Variants in FOXN4 observed in about 807,000 individuals in gnomAD.
The protein encoded by FOXN4 is forkhead box protein N4.
A neutral mutation model predicts 45.0 loss-of-function variants in FOXN4; 12 were observed. The observed-to-expected ratio is 0.27, with a 90% confidence interval of 0.17 to 0.43. The LOEUF is 0.43. Among genes scored for constraint, FOXN4 ranks in the 20% least tolerant of loss-of-function variants. The pLI, the probability that FOXN4 is intolerant of heterozygous loss-of-function variation, is 1.00. For synonymous variants in FOXN4, 297 were observed against 295.0 expected, an observed-to-expected ratio of 1.01 and a Z score of -0.07; for missense variants, 560 against 694.9, an observed-to-expected ratio of 0.81 and a Z score of 2.18.
rs1035850236 is a variant in FOXN4 at position 109,278,570 on chromosome 12, C to T, written c.*1101G>A. On this transcript the variant is annotated 3_prime_UTR_variant, in exon 10 of 10. Coordinates refer to ENST00000299162, the MANE Select transcript of FOXN4 (RefSeq NM_213596.3). ...TCATGCGTTGAAGTTTTGTCCACCA[C>T]TTGCCACGTGGTTCGAGCTTTACGT... is the stretch of plus-strand genomic sequence containing the variant. 1.3e-5 allele frequency: 2 copies of T among 152,200 alleles called. No individual in the cohort carries two copies. Among genetic ancestry groups the T allele is most frequent in the African/African-American group, 2.4e-5 (1 of 41,438 alleles). The allele number at this position is 152,200 out of a possible 1,614,324, so 9.4% of individuals were successfully genotyped here. A position where few individuals can be genotyped will look rare whatever the true frequency, so the allele number is the denominator to read the frequency against.
chr12:109,301,664 C>A (rs190111455), intron 2 of FOXN4, among the ~76,000 whole-genome samples: 8 of 152,268 alleles, frequency 5.3e-5, no homozygotes, highest in Non-Finnish European at 1.2e-4. Context: ...AAGAGGCCCT[C>A]CCAGGCCCTC....
In FOXN4 at chr12:109,279,639, G is replaced by C; in HGVS notation, c.*32C>G. The stretch of plus-strand genomic sequence containing the variant: ...AGTCAGTTCTCTGCCCAAGCCGGGT[G>C]CCGGGGTTCCAGGGCAGGTGAGGCT... On this transcript the variant is annotated 3_prime_UTR_variant, in exon 10 of 10. Coordinates refer to ENST00000299162, the MANE Select transcript of FOXN4 (RefSeq NM_213596.3). 6.4e-7 allele frequency: 1 copy of C among 1,561,032 alleles called. No individual in the cohort carries two copies. Among genetic ancestry groups the C allele is most frequent in the Non-Finnish European group, 8.7e-7 (1 of 1,152,504 alleles).
Position 109,291,481 on chromosome 12 carries a change from C to G in FOXN4, c.87-1195G>C, listed in dbSNP as rs1018219124. On this transcript the variant is annotated intron_variant, in intron 2 of 9. Transcript: ENST00000299162. This position sits in a 1 kb window ranked among gnomAD's most constrained non-coding sequence, Gnocchi z 6.6. The stretch of plus-strand genomic sequence containing the variant: ...GAGGCGGGACACCGACCCATCCTGC[C>G]CTGGTTTTCTGCGCCTCTCGGAGGC... 6.6e-6 allele frequency among the ~76,000 whole-genome samples: 1 copy of G among 152,058 alleles called. No homozygotes were observed. Among genetic ancestry groups the G allele is most frequent in the Non-Finnish European group, 1.5e-5 (1 of 67,986 alleles).
rs2047734615 is a variant in FOXN4, at chr12:109,288,247, A to G, written c.233-67T>C. On this transcript the variant is annotated intron_variant, in intron 3 of 9. Transcript: ENST00000299162. The surrounding 1 kb of genome is among the most constrained non-coding windows in gnomAD (Gnocchi z 4.3). ...TGGTGGCTGCCACCAGGAACAGCCC[A>G]GTGCCCAGGTGTCTCCGGAGAACGG... The G allele has an allele frequency of 4.6e-6, 7 of 1,516,886 alleles. No homozygotes were observed. Among genetic ancestry groups the G allele is most frequent in the Non-Finnish European group, 6.1e-6 (7 of 1,138,700 alleles). The allele number at this position is 1,516,886 out of a possible 1,614,324, so 94.0% of individuals were successfully genotyped here.
intron 2 of FOXN4, among the ~76,000 whole-genome samples, chr12:109,297,951 C>T (rs1213293213): frequency 6.6e-6 from 1 of 152,076 alleles, no homozygotes; most frequent in Non-Finnish European, 1.5e-5. Context: ...GAAATATCTC[C>T]ATCAGTGGAG....
chr12:109,303,193 C>A (rs1402072254), intron 2 of FOXN4, among the ~76,000 whole-genome samples: 1 of 152,126 alleles, frequency 6.6e-6, no homozygotes, highest in Admixed American at 6.5e-5. Flanking sequence ...CACAGAGAGG[C>A]TACCTCTCTT....
chr12:109,308,438 ACTTT>A lies in FOXN4; in HGVS notation c.-3-118_-3-115del, dbSNP rs547180510. ...ATGGAGCACAATCAACTCACAGAAC[ACTTT>A]TTTTTTCTTTAAAGAAAAAAGTTCT... On this transcript the variant is annotated intron_variant, in intron 1 of 9. Coordinates refer to ENST00000299162, the MANE Select transcript of FOXN4 (RefSeq NM_213596.3). 137 of 651,420 alleles carry A rather than the reference ACTTT, an allele frequency of 2.1e-4. 1 individual carries two copies. The highest frequency in any genetic ancestry group is 2.4e-4 in the Non-Finnish European group (98 of 405,338). The allele number at this position is 651,420 out of a possible 1,614,324, so 40.4% of individuals were successfully genotyped here.
At chr12:109,304,221 G>GGAA (rs1555244326) in intron 2 of FOXN4, among the ~76,000 whole-genome samples, 2 of 82,480 alleles carry the variant, frequency 2.4e-5, no homozygotes, top group Non-Finnish European at 4.6e-5. Context: ...AGAAAAGAAA[G>GGAA]AGAAAGAAAG....
In FOXN4 at chr12:109,290,792, G is replaced by A. The variant is rs2047760116; in HGVS notation, c.87-506C>T. 6.6e-6 allele frequency among the ~76,000 whole-genome samples: 1 copy of A among 152,210 alleles called. No homozygotes were observed. The highest frequency in any genetic ancestry group is 1.5e-5 in the Non-Finnish European group (1 of 68,030). Reference sequence around the variant, plus strand: ...CAGGGCAGTTTCCTGCTGTACTGTAGCTGTGAGGAACATGGAACTTGGGAA... The same window carrying A: ...CAGGGCAGTTTCCTGCTGTACTGTAACTGTGAGGAACATGGAACTTGGGAA... On this transcript the variant is annotated intron_variant, in intron 2 of 9. Coordinates refer to ENST00000299162, the MANE Select transcript of FOXN4 (RefSeq NM_213596.3). The surrounding 1 kb of genome is among the most constrained non-coding windows in gnomAD (Gnocchi z 5.1).
At chr12:109,284,366 A>T (rs557497785) in intron 8 of FOXN4, among the ~76,000 whole-genome samples, 7 of 152,306 alleles carry the variant, frequency 4.6e-5, no homozygotes, top group Middle Eastern at 3.4e-3. Flanking sequence ...CCTGGCTGAG[A>T]AGTGTTGGAG....
At position 109,279,877 on chromosome 12, in the gene FOXN4, C is replaced by T. The variant is rs144504080; in HGVS notation, c.1348G>A (p.Ala450Thr). Residue 450 changes from alanine to threonine, a missense_variant, in exon 10 of 10, where the codon GCC (alanine) becomes ACC (threonine). Ala to Thr is a moderately conservative substitution (Grantham distance 58). Around this residue, in one of 5 missense-constraint regions of FOXN4, gnomAD observed 315 missense variants for 350.5 expected, o/e 0.90. Transcript: ENST00000299162. ...DEGFSLDTLG[A>T]FADSPLGCDL... ...CAGCCAAGCGGGGAGTCTGCAAAGG[C>T]GCCCAGTGTGTCCAAGCTGAATCCC... 65 of 1,613,906 alleles carry T rather than the reference C, an allele frequency of 4.0e-5. No individual in the cohort carries two copies. The African/African-American group carries it at 5.2e-4, about 13-fold the overall frequency.
At chr12:109,282,444 C>A (rs1593765984) in intron 8 of FOXN4, among the ~76,000 whole-genome samples, 2 of 151,676 alleles carry the variant, frequency 1.3e-5, no homozygotes, top group East Asian at 3.9e-4. Context: ...CAAGACCCTG[C>A]CTTTAAAAAA....
chr12:109,300,482 CATAGCAT>C (rs1379225501), intron 2 of FOXN4, among the ~76,000 whole-genome samples: 2 of 152,156 alleles, frequency 1.3e-5, no homozygotes, highest in Non-Finnish European at 2.9e-5. Flanking sequence ...GTCTCAGCCA[CATAGCAT>C]ATCTGCAAAG....
rs61936460 is a variant in FOXN4, at chr12:109,284,582, T to C, written c.901+722A>G. Reference sequence around the variant, plus strand: ...ACGTGTGTGTGCGTGCGTGTGTGTGTGCGCGCTGTGGGCTGTCCGGGCCTC... The same window carrying C: ...ACGTGTGTGTGCGTGCGTGTGTGTGCGCGCGCTGTGGGCTGTCCGGGCCTC... On this transcript the variant is annotated intron_variant, in intron 8 of 9. Coordinates refer to ENST00000299162, the MANE Select transcript of FOXN4 (RefSeq NM_213596.3). Among the ~76,000 whole-genome samples, 1,378 of 151,202 alleles carry C rather than the reference T, an allele frequency of 9.1e-3. 21 individuals carry two copies. The highest frequency in any genetic ancestry group is 7.5e-3 in the Non-Finnish European group (511 of 67,790).
Position 109,290,513 on chromosome 12 carries a change from T to C in FOXN4, c.87-227A>G, listed in dbSNP as rs1463519819. Among the ~76,000 whole-genome samples the C allele has an allele frequency of 3.9e-5, 6 of 152,176 alleles. No homozygotes were observed. Among genetic ancestry groups the C allele is most frequent in the Admixed American group, 2.0e-4 (3 of 15,276 alleles). On this transcript the variant is annotated intron_variant, in intron 2 of 9. Coordinates refer to ENST00000299162, the MANE Select transcript of FOXN4 (RefSeq NM_213596.3). This position sits in a 1 kb window ranked among gnomAD's most constrained non-coding sequence, Gnocchi z 5.1. ...TTCCTTCCTTAGCCCACTTAACGCA[T>C]CCTACTTAGCACCTACCACATAAAC...
intron 2 of FOXN4, among the ~76,000 whole-genome samples, chr12:109,298,209 C>T (rs973811918): frequency 2.0e-5 from 3 of 151,976 alleles, no homozygotes; most frequent in African/African-American, 7.3e-5. Context: ...ATTAGGGCAT[C>T]TCACAAAGTT....
At chr12:109,304,754 TC>T (rs2047906759) in intron 2 of FOXN4, among the ~76,000 whole-genome samples, 1 of 152,180 alleles carries the variant, frequency 6.6e-6, no homozygotes, top group African/African-American at 2.4e-5. Flanking sequence ...GCCTAAGTGG[TC>T]CTTGGAGTCC....
intron 2 of FOXN4, among the ~76,000 whole-genome samples, chr12:109,307,023 G>A (rs1025558258): frequency 1.3e-5 from 2 of 152,184 alleles, no homozygotes; most frequent in African/African-American, 2.4e-5. Flanking sequence ...AGTGATGGGG[G>A]ATGGCACACA....
In FOXN4 at chr12:109,290,040, G is replaced by C; in HGVS notation, c.232+101C>G. 1 of 1,350,256 alleles carries C rather than the reference G, an allele frequency of 7.4e-7. No homozygotes were observed. The highest frequency in any genetic ancestry group is 9.8e-7 in the Non-Finnish European group (1 of 1,019,656). 83.6% of individuals were successfully genotyped at this position (1,350,256 alleles called of 1,614,324 possible). The stretch of plus-strand genomic sequence containing the variant: ...GCAGAAAGAGAGGCCCAGAGAGACT[G>C]GGAGACCGGGTCATGGCTGCACAGT... On this transcript the variant is annotated intron_variant, in intron 3 of 9. Transcript: ENST00000299162. The surrounding 1 kb of genome is among the most constrained non-coding windows in gnomAD (Gnocchi z 5.1).
Sources: allele counts gnomAD v4.1 joint callset (sites outside exome capture counted in the v4.1 genomes callset), GRCh38; gene constraint gnomAD v4.1.1; regional missense constraint gnomAD v4.1.1; non-coding constraint Gnocchi (gnomAD v3.1); transcripts MANE v1.5; gene names NCBI Gene and HGNC (gene_info 2026-07-23, HGNC 2026-07-21).